ZMYND11: variants seen among roughly 807,000 people sequenced by gnomAD.
ZMYND11 encodes zinc finger MYND-type containing 11.
Under a neutral mutation model 84.9 loss-of-function variants are expected in ZMYND11, and 9 were observed. The ratio of observed to expected loss-of-function variants is 0.11; its 90% CI spans 0.06 to 0.18. The LOEUF is 0.18. ZMYND11 is among the 10% of genes least tolerant of loss of function. The probability of loss-of-function intolerance (pLI) is 1.00; values close to 1 mark genes in which losing one functional copy is unlikely to be tolerated. For missense variants in ZMYND11, 409 were observed against 761.0 expected, an observed-to-expected ratio of 0.54 and a Z score of 5.44; for synonymous variants, 250 against 244.1, an observed-to-expected ratio of 1.02 and a Z score of -0.23.
At chr10:171,572 A>C (rs1845326916) in intron 1 of ZMYND11, among the ~76,000 whole-genome samples, 1 of 152,196 alleles carries the variant, frequency 6.6e-6, no homozygotes. Flanking sequence ...TCAAAGAATA[A>C]ATCTTGAGGA....
At chr10:227,865 C>G (rs1015584856) in intron 4 of ZMYND11, among the ~76,000 whole-genome samples, 2 of 152,060 alleles carry the variant, frequency 1.3e-5, no homozygotes, top group African/African-American at 4.8e-5. Context: ...ATTAACAAAT[C>G]TAGAATGGAG....
At chr10:148,929 C>T (rs1397937396) in intron 1 of ZMYND11, among the ~76,000 whole-genome samples, 2 of 152,126 alleles carry the variant, frequency 1.3e-5, no homozygotes, top group Non-Finnish European at 2.9e-5. Flanking sequence ...ATAATTTTGT[C>T]AGTTTTAAAT....
chr10:209,711 G>A (rs1944830923), intron 2 of ZMYND11, among the ~76,000 whole-genome samples, 178 bp from the exon 3 acceptor site: 1 of 150,060 alleles, frequency 6.7e-6, no homozygotes, highest in Non-Finnish European at 1.5e-5. Context: ...GTTGCGTATT[G>A]AAGACTTTTC....
chr10:160,797 T>A (rs1300860117), intron 1 of ZMYND11, among the ~76,000 whole-genome samples: 1 of 152,168 alleles, frequency 6.6e-6, no homozygotes, highest in Non-Finnish European at 1.5e-5. Context: ...GCAATTCAGT[T>A]ATATCTTCAT....
At chr10:202,683 G>C (rs1441140486) in intron 2 of ZMYND11, among the ~76,000 whole-genome samples, 7 of 152,146 alleles carry the variant, frequency 4.6e-5, no homozygotes, top group Non-Finnish European at 1.5e-5. Context: ...ATCTGTGAAA[G>C]GGCTCCCTCA....
At chr10:241,429 C>T (rs747526849) in intron 9 of ZMYND11, among the ~76,000 whole-genome samples, 3 of 152,188 alleles carry the variant, frequency 2.0e-5, no homozygotes, top group Non-Finnish European at 2.9e-5. Flanking sequence ...CCTCCCGCCT[C>T]GGCCTTCCAA....
At chr10:144,698 G>T in intron 1 of ZMYND11, among the ~76,000 whole-genome samples, 1 of 132,068 alleles carries the variant, frequency 7.6e-6, no homozygotes. Context: ...CAGGGGTTGA[G>T]TCTGGGCTCT....
chr10:249,967 G>T (rs373078044), intron 14 of ZMYND11, among the ~76,000 whole-genome samples: 7 of 152,158 alleles, frequency 4.6e-5, no homozygotes, highest in African/African-American at 1.7e-4. Context: ...GTTAACAAAA[G>T]ACCAGGAGAT....
intron 1 of ZMYND11, among the ~76,000 whole-genome samples, chr10:147,229 A>T (rs1839106368): frequency 6.6e-6 from 1 of 152,144 alleles, no homozygotes; most frequent in African/African-American, 2.4e-5. Context: ...TCCAATTTGG[A>T]TGCCCTTTAT....
intron 1 of ZMYND11, among the ~76,000 whole-genome samples, chr10:178,224 C>G (rs1444561310): frequency 6.6e-6 from 1 of 152,138 alleles, no homozygotes; most frequent in Non-Finnish European, 1.5e-5. Flanking sequence ...ATTTCCTCTG[C>G]CAGTTTTAGA....
intron 1 of ZMYND11, among the ~76,000 whole-genome samples, chr10:179,299 G>C (rs1323149855): frequency 6.6e-6 from 1 of 152,140 alleles, no homozygotes; most frequent in East Asian, 1.9e-4. Flanking sequence ...TGGGAGGTGG[G>C]AGGTGTGGTG....
At chr10:162,213 C>A (rs569744239) in intron 1 of ZMYND11, among the ~76,000 whole-genome samples, 1 of 152,280 alleles carries the variant, frequency 6.6e-6, no homozygotes, top group Admixed American at 6.5e-5. Context: ...ACACACACAA[C>A]ATTTATTGAT....
upstream of ZMYND11, chr10:134,845 G>A (rs1835502271): frequency 6.6e-6 from 1 of 152,060 alleles, no homozygotes; most frequent in African/African-American, 2.4e-5. Flanking sequence ...AGAGGAATAT[G>A]CTCCAACAAA....
intron 4 of ZMYND11, among the ~76,000 whole-genome samples, chr10:227,426 A>T (rs1015485068): frequency 1.3e-5 from 2 of 152,206 alleles, no homozygotes; most frequent in Non-Finnish European, 2.9e-5. Flanking sequence ...AAAACTCACC[A>T]TTGGGAGTCC....
At chr10:145,595 G>C (rs1307462927) in intron 1 of ZMYND11, among the ~76,000 whole-genome samples, 2 of 152,270 alleles carry the variant, frequency 1.3e-5, no homozygotes, top group South Asian at 2.1e-4. Flanking sequence ...CATTCTGGTG[G>C]GGGTAAGGTG....
At chr10:132,849 G>A (rs906936017), upstream of ZMYND11, among the ~76,000 whole-genome samples, 3 of 152,160 alleles carry the variant, frequency 2.0e-5, no homozygotes, top group African/African-American at 7.2e-5. Flanking sequence ...CTCCCCGACA[G>A]CTCTGAGAAG....
At chr10:230,779 C>G (rs1165988375) in intron 4 of ZMYND11, among the ~76,000 whole-genome samples, 1 of 152,144 alleles carries the variant, frequency 6.6e-6, no homozygotes, top group Non-Finnish European at 1.5e-5. Context: ...TCCTCATATT[C>G]TTGAGTTTAG....
intron 1 of ZMYND11, among the ~76,000 whole-genome samples, chr10:168,559 T>C (rs1554764632): frequency 6.6e-6 from 1 of 152,172 alleles, no homozygotes; most frequent in Admixed American, 6.6e-5. Flanking sequence ...AAACATTCTG[T>C]ATTTTCATTT....
intron 2 of ZMYND11, among the ~76,000 whole-genome samples, chr10:196,981 T>C (rs1941914798): frequency 6.6e-6 from 1 of 151,978 alleles, no homozygotes; most frequent in South Asian, 2.1e-4. Flanking sequence ...ACGTGCGCAT[T>C]GTATTCATGT....
Sources: allele counts gnomAD v4.1 joint callset (sites outside exome capture counted in the v4.1 genomes callset), GRCh38; gene constraint gnomAD v4.1.1; transcripts MANE v1.5; gene names NCBI Gene and HGNC (gene_info 2026-07-23, HGNC 2026-07-21).